The following GINS1 variants were observed in gnomAD, a reference collection of about 807,000 sequenced individuals.
GINS1 encodes the protein GINS complex subunit 1.
Under a neutral mutation model 34.9 loss-of-function variants are expected in GINS1, and 26 were observed. The ratio of observed to expected loss-of-function variants is 0.74; its 90% CI spans 0.55 to 1.03. The LOEUF (loss-of-function observed/expected upper bound fraction) is 1.03. Among genes scored for constraint, GINS1 ranks in the 50% least tolerant of loss-of-function variants. GINS1 has a pLI of 0.00. For synonymous variants in GINS1, 97 were observed against 84.4 expected (o/e 1.15, Z -0.82); for missense variants, 235 against 237.9 (o/e 0.99, Z 0.08).
intron 5 of GINS1, among the ~76,000 whole-genome samples, chr20:25,439,399 G>A (rs1013387467): frequency 2.0e-5 from 3 of 152,160 alleles, no homozygotes; most frequent in Non-Finnish European, 2.9e-5. Flanking sequence ...CTGACCCTGT[G>A]CAGTGACTCA....
chr20:25,428,741 A>G (rs558148411), intron 5 of GINS1, among the ~76,000 whole-genome samples: 1 of 151,814 alleles, frequency 6.6e-6, no homozygotes, highest in East Asian at 1.9e-4. Flanking sequence ...CCCTTTCCCC[A>G]TTGTGAATGG....
At chr20:25,425,622 A>G (rs191642572) in intron 5 of GINS1, among the ~76,000 whole-genome samples, 11 of 152,342 alleles carry the variant, frequency 7.2e-5, no homozygotes, top group Admixed American at 7.2e-4. Flanking sequence ...AGTAAAATGA[A>G]ACAAATGTCA....
At chr20:25,417,055 C>T (rs775880631) in intron 2 of GINS1, 49 bp from the exon 3 acceptor site, 4 of 846,842 alleles carry the variant, frequency 4.7e-6, no homozygotes, top group South Asian at 1.5e-5. Context: ...GAAAATTTTA[C>T]TTATCCTGAA....
chr20:25,436,888 A>T (rs1262701341), intron 5 of GINS1, among the ~76,000 whole-genome samples: 1 of 152,110 alleles, frequency 6.6e-6, no homozygotes, highest in East Asian at 1.9e-4. Flanking sequence ...GTTTTTGCTG[A>T]AAACCAGACA....
rs960551027 is a variant in GINS1 at position 25,420,236 on chromosome 20, C to T, written c.330+2041C>T. 2.2e-4 allele frequency among the ~76,000 whole-genome samples: 33 copies of T among 152,016 alleles called. 1 individual carries two copies. Among genetic ancestry groups the T allele is most frequent in the Non-Finnish European group, 2.9e-5 (2 of 68,008 alleles). ...GAAACCTCTGCCTCCCGGGTTCAAGCGATTCTCCTGCCTCAGCATCCCGAG... is the reference window on the plus strand; with the variant it reads ...GAAACCTCTGCCTCCCGGGTTCAAGTGATTCTCCTGCCTCAGCATCCCGAG... On this transcript the variant is annotated intron_variant, in intron 4 of 6. Coordinates refer to ENST00000262460, the MANE Select transcript of GINS1 (RefSeq NM_021067.5).
At chr20:25,438,687 C>T (rs1236540300) in intron 5 of GINS1, among the ~76,000 whole-genome samples, 4 of 151,980 alleles carry the variant, frequency 2.6e-5, no homozygotes, top group Admixed American at 6.6e-5. Flanking sequence ...CATCCTCCCA[C>T]CTCAGCTTCC....
intron 1 of GINS1, among the ~76,000 whole-genome samples, chr20:25,413,295 C>T (rs547159385): frequency 1.3e-5 from 2 of 152,180 alleles, no homozygotes; most frequent in East Asian, 1.9e-4. Context: ...GTGATCCACC[C>T]GCCTCAGCCT....
rs1159340467 is a variant in GINS1 at position 25,423,452 on chromosome 20, CTTTTTTTTTTTTTTTTTTTTTTTT to C, written c.331-1748_331-1725del. On this transcript the variant is annotated intron_variant, in intron 4 of 6. Coordinates refer to ENST00000262460, the MANE Select transcript of GINS1 (RefSeq NM_021067.5). ...AAGGTTATTAAGATATTTTTCTTTT[CTTTTTTTTTTTTTTTTTTTTTTTT>C]TTTTTTTTTTGAGACGGCATCTCAC... 1.3e-4 allele frequency among the ~76,000 whole-genome samples: 4 copies of C among 29,990 alleles called. 1 individual carries two copies. In the Admixed American group the frequency reaches 2.7e-3, roughly 20 times the overall value. The allele number at this position is 29,990 out of a possible 152,430, so 19.7% of individuals were successfully genotyped here.
intron 6 of GINS1, 85 bp from the exon 7 acceptor site, chr20:25,445,838 T>C (rs2090509129): frequency 1.0e-5 from 9 of 864,740 alleles, no homozygotes; most frequent in East Asian, 2.4e-5. Flanking sequence ...TAATCAGTGC[T>C]ACTTTTTAAT....
intron 5 of GINS1, among the ~76,000 whole-genome samples, chr20:25,436,854 CTTTGT>C (rs1191622477): frequency 1.3e-5 from 2 of 152,030 alleles, no homozygotes; most frequent in African/African-American, 4.8e-5. Context: ...TTTTATGTTT[CTTTGT>C]ATGTCTTGTG....
chr20:25,421,637 T>C (rs939920309), intron 4 of GINS1, among the ~76,000 whole-genome samples: 3 of 152,250 alleles, frequency 2.0e-5, no homozygotes, highest in Admixed American at 1.3e-4. Context: ...ACATGAGAGA[T>C]AGTGAAAATA....
At chr20:25,422,741 C>A (rs2090363738) in intron 4 of GINS1, among the ~76,000 whole-genome samples, 2 of 152,150 alleles carry the variant, frequency 1.3e-5, no homozygotes, top group Admixed American at 1.3e-4. Context: ...TTTTGAGATT[C>A]TAATCTGTTG....
chr20:25,413,726 T>C lies in GINS1; in HGVS notation c.76-64T>C, dbSNP rs2090301895. 1.1e-5 allele frequency: 10 copies of C among 896,898 alleles called. No homozygotes were observed. In the South Asian group the frequency reaches 1.2e-4, roughly 11 times the overall value. The allele number at this position is 896,898 out of a possible 1,614,324, so 55.6% of individuals were successfully genotyped here. A position where few individuals can be genotyped will look rare whatever the true frequency, so the allele number is the denominator to read the frequency against. On this transcript the variant is annotated intron_variant, in intron 1 of 6. Transcript: ENST00000262460. ...AATGAAAGATACAGTTCAGTATTGA[T>C]AGCATATTGCCACAGAATTGGTGGG...
chr20:25,410,079 C>G (rs867956528), intron 1 of GINS1, among the ~76,000 whole-genome samples: 24 of 152,098 alleles, frequency 1.6e-4, no homozygotes, highest in South Asian at 6.2e-4. Context: ...TGGTGGCTCA[C>G]GCCTGTAATC....
chr20:25,427,270 C>T (rs755929062), intron 5 of GINS1, among the ~76,000 whole-genome samples: 4 of 152,032 alleles, frequency 2.6e-5, no homozygotes, highest in African/African-American at 4.8e-5. Context: ...AGGTTCACCT[C>T]AACTGCAACC....
intron 6 of GINS1, among the ~76,000 whole-genome samples, chr20:25,443,476 C>CTTT (rs11482627): frequency 3.8e-4 from 47 of 124,720 alleles, no homozygotes; most frequent in Admixed American, 6.8e-4. Flanking sequence ...GGTTGAATTT[C>CTTT]TTTTTTTTTT....
chr20:25,423,828 A>G (rs1395648850), intron 4 of GINS1, among the ~76,000 whole-genome samples: 2 of 151,010 alleles, frequency 1.3e-5, no homozygotes, highest in Non-Finnish European at 3.0e-5. Context: ...GTTAGCCAGG[A>G]TGGTCTCAAT....
intron 5 of GINS1, among the ~76,000 whole-genome samples, chr20:25,426,492 T>G (rs1023336616): frequency 2.7e-5 from 4 of 149,320 alleles, no homozygotes; most frequent in African/African-American, 9.9e-5. Context: ...GAGAAGGAGG[T>G]TGCGGTGAGC....
intron 6 of GINS1, among the ~76,000 whole-genome samples, chr20:25,444,131 C>T (rs924429155): frequency 1.3e-5 from 2 of 151,968 alleles, no homozygotes. Flanking sequence ...CCTGCCTCAG[C>T]CTCTCGAGTA....
Sources: allele counts gnomAD v4.1 joint callset (sites outside exome capture counted in the v4.1 genomes callset), GRCh38; gene constraint gnomAD v4.1.1; transcripts MANE v1.5; gene names NCBI Gene and HGNC (gene_info 2026-07-23, HGNC 2026-07-21).